Variants in KIF16B observed in about 807,000 individuals in gnomAD.
The protein encoded by KIF16B is kinesin-like protein KIF16B.
In KIF16B, 98 loss-of-function variants were observed where a neutral mutation model predicts 156.3. The observed-to-expected ratio is 0.63, with a 90% CI of 0.53 to 0.74. The LOEUF (loss-of-function observed/expected upper bound fraction) is 0.74. Among genes scored for constraint, KIF16B ranks in the 30% least tolerant of loss-of-function variants. The pLI, the probability that KIF16B is intolerant of heterozygous loss-of-function variation, is 0.00. For missense variants in KIF16B, 1,421 were observed against 1,606.5 expected (o/e 0.88, Z 1.97); for synonymous variants, 564 against 583.7 (o/e 0.97, Z 0.49).
intron 14 of KIF16B, among the ~76,000 whole-genome samples, chr20:16,427,460 G>A (rs1233618246): frequency 6.6e-6 from 1 of 152,034 alleles, no homozygotes; most frequent in Non-Finnish European, 1.5e-5. Flanking sequence ...GTTCTTCAAG[G>A]GATCTGGACA....
intron 17 of KIF16B, among the ~76,000 whole-genome samples, chr20:16,393,442 A>G (rs1431157596): frequency 6.6e-6 from 1 of 152,226 alleles, no homozygotes; most frequent in African/African-American, 2.4e-5. Flanking sequence ...AGGTCATGAG[A>G]TACGGGAGTT....
chr20:16,300,920 T>C (rs927423885), intron 25 of KIF16B, among the ~76,000 whole-genome samples: 4 of 152,212 alleles, frequency 2.6e-5, no homozygotes, highest in African/African-American at 9.7e-5. Context: ...TATAATGGCA[T>C]GTATCTACCA....
chr20:16,314,196 C>T (rs2063662576), intron 24 of KIF16B, among the ~76,000 whole-genome samples: 1 of 152,196 alleles, frequency 6.6e-6, no homozygotes, highest in East Asian at 1.9e-4. Context: ...AACAACTCTT[C>T]ACCTGCTCAT....
intron 12 of KIF16B, among the ~76,000 whole-genome samples, chr20:16,472,920 A>G (rs2146772927): frequency 6.6e-6 from 1 of 152,364 alleles, no homozygotes; most frequent in East Asian, 1.9e-4. Flanking sequence ...CATGAGGAAT[A>G]TCAATACTCA....
intron 1 of KIF16B, among the ~76,000 whole-genome samples, chr20:16,556,703 T>C (rs547655606): frequency 3.9e-5 from 6 of 152,310 alleles, no homozygotes; most frequent in South Asian, 2.1e-4. Context: ...CCATTGCATG[T>C]TCCAGGCATG....
intron 17 of KIF16B, among the ~76,000 whole-genome samples, chr20:16,402,960 G>A (rs2065691419): frequency 6.6e-6 from 1 of 152,170 alleles, no homozygotes; most frequent in Non-Finnish European, 1.5e-5. Flanking sequence ...AAAAAAGAAA[G>A]ACTTCCATCT....
chr20:16,359,097 A>C (rs1355678018), intron 22 of KIF16B, among the ~76,000 whole-genome samples: 1 of 152,206 alleles, frequency 6.6e-6, no homozygotes, highest in Non-Finnish European at 1.5e-5. Context: ...TTCTCTTTTC[A>C]TAAGTCAGTT....
In KIF16B at chr20:16,366,873, A is replaced by G. The variant is rs2064678274; in HGVS notation, c.3498+3713T>C. On this transcript the variant is annotated intron_variant, in intron 22 of 25. Transcript: ENST00000354981. ...TCAGAAATGCTTTAATCACCTCACA[A>G]ATAATGAAGCAGGCACAAATTTACA... 6.0e-6 allele frequency: 7 copies of G among 1,172,662 alleles called. No individual in the cohort carries two copies. The East Asian group carries it at 3.1e-4, about 51-fold the overall frequency. The allele number at this position is 1,172,662 out of a possible 1,614,324, so 72.6% of individuals were successfully genotyped here.
chr20:16,438,701 C>A (rs1300558046), intron 12 of KIF16B, among the ~76,000 whole-genome samples: 2 of 152,132 alleles, frequency 1.3e-5, no homozygotes, highest in Non-Finnish European at 2.9e-5. Context: ...CTCCTTTGGT[C>A]CATAAAACCC....
At chr20:16,283,099 C>T (rs1601485328) in intron 25 of KIF16B, among the ~76,000 whole-genome samples, 1 of 152,192 alleles carries the variant, frequency 6.6e-6, no homozygotes, top group Non-Finnish European at 1.5e-5. Flanking sequence ...CAGTCTAACT[C>T]AGGGCAGGGC....
At chr20:16,424,518 T>C (rs140725405) in intron 15 of KIF16B, among the ~76,000 whole-genome samples, 2 of 152,286 alleles carry the variant, frequency 1.3e-5, no homozygotes, top group African/African-American at 2.4e-5. Flanking sequence ...GACTCAATTA[T>C]ACAGTGTGCA....
chr20:16,402,641 G>C (rs1043041540), intron 17 of KIF16B, among the ~76,000 whole-genome samples: 1 of 152,154 alleles, frequency 6.6e-6, no homozygotes, highest in Non-Finnish European at 1.5e-5. Context: ...AACTAGCAAA[G>C]GAAAGCCCCA....
At position 16,447,492 on chromosome 20, in the gene KIF16B, G is replaced by A. The variant is rs558300057; in HGVS notation, c.1303-17510C>T. ...AAAGTCCAATAAAAATGCCTATTGC[G>A]GCTGGGTGCAGTGGCTCACACCTGT... On this transcript the variant is annotated intron_variant, in intron 12 of 25. Coordinates refer to ENST00000354981, the MANE Select transcript of KIF16B (RefSeq NM_024704.5). Among the ~76,000 whole-genome samples, 6 of 151,972 alleles carry A rather than the reference G, an allele frequency of 3.9e-5. No individual in the cohort carries two copies. In the South Asian group the frequency reaches 8.3e-4, roughly 21 times the overall value.
chr20:16,398,515 G>C (rs2065569909), intron 17 of KIF16B, among the ~76,000 whole-genome samples: 1 of 152,134 alleles, frequency 6.6e-6, no homozygotes, highest in African/African-American at 2.4e-5. Flanking sequence ...CCATCAGATA[G>C]AGAAAGTCAG....
intron 15 of KIF16B, among the ~76,000 whole-genome samples, chr20:16,409,618 G>C (rs1203607614): frequency 6.6e-6 from 1 of 151,940 alleles, no homozygotes; most frequent in Non-Finnish European, 1.5e-5. Flanking sequence ...GCTCTGGACT[G>C]GGGGAAAGGG....
At chr20:16,419,555 C>T (rs1300751241) in intron 15 of KIF16B, among the ~76,000 whole-genome samples, 2 of 152,136 alleles carry the variant, frequency 1.3e-5, no homozygotes, top group Non-Finnish European at 2.9e-5. Context: ...TTTTGGCACT[C>T]AAGCATAACA....
intron 19 of KIF16B, among the ~76,000 whole-genome samples, chr20:16,378,527 A>T: frequency 6.6e-6 from 1 of 152,172 alleles, no homozygotes; most frequent in East Asian, 1.9e-4. Context: ...CGCACATTCC[A>T]TAGGACAGTG....
At chr20:16,293,944 C>T (rs747092184) in intron 25 of KIF16B, among the ~76,000 whole-genome samples, 4 of 151,708 alleles carry the variant, frequency 2.6e-5, no homozygotes, top group Non-Finnish European at 5.9e-5. Context: ...TGCTGGGGAG[C>T]CATCATCCAT....
intron 15 of KIF16B, among the ~76,000 whole-genome samples, chr20:16,417,180 T>C (rs1281864377): frequency 6.6e-6 from 1 of 152,120 alleles, no homozygotes; most frequent in Non-Finnish European, 1.5e-5. Flanking sequence ...GAAAGCAACC[T>C]CACAGAGTTG....
Sources: gnomAD v4.1 joint callset for allele counts (sites outside exome capture counted in the v4.1 genomes callset) on GRCh38, gnomAD v4.1.1 for gene constraint, MANE v1.5 for transcripts, NCBI Gene and HGNC (gene_info 2026-07-23, HGNC 2026-07-21) for gene names.